Variants in MCOLN2 observed in about 807,000 individuals in gnomAD.
The protein encoded by MCOLN2 is mucolipin-2.
A neutral mutation model predicts 67.5 loss-of-function variants in MCOLN2; 57 were observed. The ratio of observed to expected loss-of-function variants is 0.84; its 90% CI spans 0.68 to 1.05. MCOLN2 has a LOEUF of 1.05. MCOLN2 is among the 50% of genes least tolerant of loss of function. The pLI, the probability that MCOLN2 is intolerant of heterozygous loss-of-function variation, is 0.00. For synonymous variants in MCOLN2, 246 were observed against 233.3 expected (o/e 1.05, Z -0.50); for missense variants, 620 against 678.8 (o/e 0.91, Z 0.96).
intron 1 of MCOLN2, among the ~76,000 whole-genome samples, chr1:84,984,236 C>A (rs947458420): frequency 6.6e-6 from 1 of 152,152 alleles, no homozygotes; most frequent in African/African-American, 2.4e-5. Context: ...ATCATTCCAA[C>A]TATTTTCCTG....
intron 1 of MCOLN2, 60 bp from the exon 2 acceptor site, chr1:84,965,768 G>T: frequency 6.8e-7 from 1 of 1,477,970 alleles, no homozygotes; most frequent in Non-Finnish European, 9.1e-7. Flanking sequence ...TCCTTTTGAA[G>T]TAACTTGCTT....
At chr1:84,979,357 C>CAGACAA (rs778605820) in intron 1 of MCOLN2, among the ~76,000 whole-genome samples, 1 of 152,068 alleles carries the variant, frequency 6.6e-6, no homozygotes, top group Non-Finnish European at 1.5e-5. Context: ...ATATCAAAAC[C>CAGACAA]AGACAAAGAC....
chr1:84,983,274 CTTTTT>C (rs1650349461), intron 1 of MCOLN2, among the ~76,000 whole-genome samples: 1 of 139,110 alleles, frequency 7.2e-6, no homozygotes, highest in Non-Finnish European at 1.6e-5. Context: ...TTTTTCTTTT[CTTTTT>C]CTTTTTTTGA....
chr1:84,983,002 G>A (rs1199788633), intron 1 of MCOLN2, among the ~76,000 whole-genome samples: 1 of 152,142 alleles, frequency 6.6e-6, no homozygotes, highest in East Asian at 1.9e-4. Flanking sequence ...ACAGGGGTGA[G>A]CCACTGAGTC....
intron 1 of MCOLN2, among the ~76,000 whole-genome samples, chr1:84,984,734 G>C (rs569059685): frequency 6.6e-6 from 1 of 152,266 alleles, no homozygotes; most frequent in South Asian, 2.1e-4. Flanking sequence ...GGTGGTTCTT[G>C]CCTGTAATCC....
At chr1:84,959,165 A>T (rs1482551678) in intron 2 of MCOLN2, among the ~76,000 whole-genome samples, 1 of 152,230 alleles carries the variant, frequency 6.6e-6, no homozygotes, top group African/African-American at 2.4e-5. Flanking sequence ...AGTAGCCTAC[A>T]TAAAAACTTA....
Position 84,996,978 on chromosome 1 carries a change from G to A in MCOLN2, c.-106C>T. 2.0e-6 allele frequency: 2 copies of A among 1,008,520 alleles called. No individual in the cohort carries two copies. The highest frequency in any genetic ancestry group is 3.1e-6 in the Non-Finnish European group (2 of 655,508). 62.5% of individuals were successfully genotyped at this position (1,008,520 alleles called of 1,614,324 possible). The stretch of plus-strand genomic sequence containing the variant: ...CCGTAACGCGTCCGCCGAAGTTGGA[G>A]CCCTGCAAAGCGGGGTTCCCTTCTC... On this transcript the variant is annotated 5_prime_UTR_variant, in exon 1 of 14. Transcript: ENST00000370608.
intron 4 of MCOLN2, among the ~76,000 whole-genome samples, chr1:84,954,590 G>A (rs1648683439): frequency 6.6e-6 from 1 of 152,174 alleles, no homozygotes. Flanking sequence ...CTTCCTCAAG[G>A]TCACACAGGT....
chr1:84,995,179 C>CA (rs1213843407), intron 1 of MCOLN2, among the ~76,000 whole-genome samples: 1 of 152,022 alleles, frequency 6.6e-6, no homozygotes, highest in Non-Finnish European at 1.5e-5. Context: ...ATCACCATAA[C>CA]AGATATAATA....
intron 1 of MCOLN2, among the ~76,000 whole-genome samples, chr1:84,991,905 G>T (rs1412596880): frequency 6.6e-6 from 1 of 152,184 alleles, no homozygotes; most frequent in Non-Finnish European, 1.5e-5. Context: ...TTAAAACTGA[G>T]GAAGATGACT....
At position 84,958,717 on chromosome 1, in the gene MCOLN2, A is replaced by G. The variant is rs1239341758; in HGVS notation, c.238-15T>C. 3.2e-6 allele frequency: 5 copies of G among 1,556,716 alleles called. No homozygotes were observed. Among genetic ancestry groups the G allele is most frequent in the Non-Finnish European group, 4.3e-6 (5 of 1,156,306 alleles). On this transcript the variant is annotated splice_polypyrimidine_tract_variant and intron_variant, in intron 2 of 13. Coordinates refer to ENST00000370608, the MANE Select transcript of MCOLN2 (RefSeq NM_153259.4). ...AAACGAACAAGCTAAAAAATAAAAT[A>G]AAATAGAAACACATGAATTACACCA...
chr1:84,971,121 T>C (rs1649660598), intron 1 of MCOLN2, among the ~76,000 whole-genome samples: 1 of 152,096 alleles, frequency 6.6e-6, no homozygotes, highest in South Asian at 2.1e-4. Flanking sequence ...CTTTTAGCAA[T>C]ATGAAAGATG....
chr1:84,931,222 T>C (rs1465862204), intron 12 of MCOLN2, 140 bp downstream of exon 12: 6 of 624,188 alleles, frequency 9.6e-6, no homozygotes, highest in Non-Finnish European at 1.7e-5. Context: ...CTAAAATTCA[T>C]CTCCAGCGTC....
At chr1:84,939,961 A>G (rs1647660343) in intron 8 of MCOLN2, among the ~76,000 whole-genome samples, 1 of 152,224 alleles carries the variant, frequency 6.6e-6, no homozygotes, top group East Asian at 1.9e-4. Flanking sequence ...GCTAACACAC[A>G]GTACATTCCA....
At chr1:84,937,698 C>T in intron 11 of MCOLN2, 57 bp downstream of exon 11, 1 of 1,598,992 alleles carries the variant, frequency 6.3e-7, no homozygotes. Context: ...TGCTAGAAAC[C>T]CACGTTCAAG....
intron 4 of MCOLN2, among the ~76,000 whole-genome samples, chr1:84,955,794 T>G (rs1266859864): frequency 6.6e-6 from 1 of 152,104 alleles, no homozygotes; most frequent in African/African-American, 2.4e-5. Flanking sequence ...TATTACAGTA[T>G]GATATGAAAA....
chr1:84,991,284 CTG>C (rs1650878999), intron 1 of MCOLN2, among the ~76,000 whole-genome samples: 1 of 152,106 alleles, frequency 6.6e-6, no homozygotes, highest in East Asian at 1.9e-4. Context: ...ACAGTAATGA[CTG>C]TGTTGGCCCC....
At chr1:84,977,025 A>G (rs112476193) in intron 1 of MCOLN2, among the ~76,000 whole-genome samples, 91 of 152,334 alleles carry the variant, frequency 6.0e-4, no homozygotes, top group African/African-American at 2.0e-3. Context: ...ATAAAAAATA[A>G]TAACTACAAC....
chr1:84,951,806 C>T (rs1273634649), intron 6 of MCOLN2, among the ~76,000 whole-genome samples: 1 of 152,222 alleles, frequency 6.6e-6, no homozygotes, highest in African/African-American at 2.4e-5. Flanking sequence ...GGCATGGTGG[C>T]TCATGCCTGT....
Sources: allele counts gnomAD v4.1 joint callset (sites outside exome capture counted in the v4.1 genomes callset), GRCh38; gene constraint gnomAD v4.1.1; transcripts MANE v1.5; gene names NCBI Gene and HGNC (gene_info 2026-07-23, HGNC 2026-07-21).